Variants in NPSR1 observed in about 807,000 individuals in gnomAD.
NPSR1 encodes neuropeptide S receptor 1.
A neutral mutation model predicts 46.9 loss-of-function variants in NPSR1; 48 were observed. The observed-to-expected ratio is 1.02, with a 90% CI of 0.81 to 1.30. NPSR1 has a LOEUF of 1.30. Among genes scored for constraint, NPSR1 ranks in the 50% most tolerant of loss-of-function variants. NPSR1 has a pLI of 0.00. For synonymous variants in NPSR1, 176 were observed against 168.1 expected, an observed-to-expected ratio of 1.05 and a Z score of -0.36; for missense variants, 450 against 449.5, an observed-to-expected ratio of 1.00 and a Z score of -0.01.
intron 2 of NPSR1, among the ~76,000 whole-genome samples, chr7:34,727,514 G>A (rs901893936): frequency 6.6e-6 from 1 of 152,150 alleles, no homozygotes; most frequent in Admixed American, 6.5e-5. Context: ...TGTATAGCTG[G>A]ACACCACTTT....
chr7:34,853,626 C>T (rs1400629876), downstream of NPSR1, among the ~76,000 whole-genome samples: 1 of 152,128 alleles, frequency 6.6e-6, no homozygotes, highest in Admixed American at 6.5e-5. Flanking sequence ...TCAGATTGCT[C>T]GGAGACTCCA....
chr7:34,666,766 T>C (rs1451012180), intron 1 of NPSR1, among the ~76,000 whole-genome samples: 2 of 152,158 alleles, frequency 1.3e-5, no homozygotes, highest in Admixed American at 1.3e-4. Flanking sequence ...CATTGCATTA[T>C]TACACATTTG....
intron 2 of NPSR1, among the ~76,000 whole-genome samples, chr7:34,756,112 A>G (rs527441298): frequency 2.0e-4 from 30 of 152,300 alleles, no homozygotes; most frequent in African/African-American, 7.0e-4. Context: ...CATGGGGAGG[A>G]GAAGCTGAAA....
chr7:34,789,173 C>A (rs1368544437), intron 3 of NPSR1, among the ~76,000 whole-genome samples: 3 of 151,686 alleles, frequency 2.0e-5, no homozygotes, highest in Admixed American at 6.6e-5. Context: ...GAGTTTATAC[C>A]AATAAATACC....
chr7:34,699,893 G>C (rs938640973), intron 2 of NPSR1, among the ~76,000 whole-genome samples: 1 of 152,114 alleles, frequency 6.6e-6, no homozygotes, highest in African/African-American at 2.4e-5. Flanking sequence ...GAGATAATAG[G>C]AGCTTCATAT....
chr7:34,848,474 C>G lies in NPSR1; in HGVS notation c.845-9C>G, dbSNP rs750023527. On this transcript the variant is annotated splice_polypyrimidine_tract_variant and intron_variant, in intron 7 of 8. Coordinates refer to ENST00000360581, the MANE Select transcript of NPSR1 (RefSeq NM_207172.2). ...CTGCTGTGATGCTAATGGCTCTCTT[C>G]TCCCCCAGCCTTCATCTGCTGTTGG... 4 of 1,613,410 alleles carry G rather than the reference C, an allele frequency of 2.5e-6. No homozygotes were observed. The highest frequency in any genetic ancestry group is 3.4e-6 in the Non-Finnish European group (4 of 1,179,646).
In NPSR1 at chr7:34,832,428, G is replaced by T. The variant is rs573519082; in HGVS notation, c.681-1956G>T. ...CACACTGGTAGTTCCAGCTATTCAG[G>T]TGGCTGAGGTGGGAGGTCAAGGCTG... On this transcript the variant is annotated intron_variant, in intron 5 of 8. Transcript: ENST00000360581. 3.3e-5 allele frequency among the ~76,000 whole-genome samples: 5 copies of T among 152,234 alleles called. No homozygotes were observed. In the South Asian group the frequency reaches 6.2e-4, roughly 19 times the overall value.
intron 1 of NPSR1, among the ~76,000 whole-genome samples, chr7:34,666,940 C>A (rs747744155): frequency 7.9e-5 from 12 of 152,290 alleles, no homozygotes; most frequent in Non-Finnish European, 1.0e-4. Flanking sequence ...AAGGGCCTTA[C>A]ATTTTTCAAA....
intron 2 of NPSR1, among the ~76,000 whole-genome samples, chr7:34,701,896 T>C (rs1378026950): frequency 2.6e-5 from 4 of 152,258 alleles, no homozygotes; most frequent in Non-Finnish European, 5.9e-5. Flanking sequence ...AGAACATTTT[T>C]ACTTCCATTT....
intron 2 of NPSR1, among the ~76,000 whole-genome samples, chr7:34,744,532 C>T (rs1371897845): frequency 6.6e-6 from 1 of 152,142 alleles, no homozygotes; most frequent in African/African-American, 2.4e-5. Context: ...GTCCATTGAA[C>T]TGTCAAAATG....
intron 2 of NPSR1, among the ~76,000 whole-genome samples, chr7:34,727,990 G>T (rs1428623365): frequency 6.6e-6 from 1 of 150,706 alleles, no homozygotes; most frequent in Admixed American, 6.6e-5. Context: ...AGGCTTTCTT[G>T]CCAGATTCAG....
At chr7:34,758,588 AG>A (rs1424284835) in intron 2 of NPSR1, among the ~76,000 whole-genome samples, 1 of 152,256 alleles carries the variant, frequency 6.6e-6, no homozygotes, top group East Asian at 1.9e-4. Context: ...TTTCATTTTT[AG>A]CTTCTTGTTT....
rs1584168918 is a variant in NPSR1, at chr7:34,878,032, AC to A, written c.1026-41del. On this transcript the variant is annotated intron_variant, in intron 8 of 8. Coordinates refer to the NPSR1 transcript ENST00000359791. ...TCCTTCCTTTTATGCAAATAGGAAG[AC>A]CCAGGTCCCTATACATTTCAATAAG... 8.7e-6 allele frequency: 10 copies of A among 1,155,710 alleles called. No homozygotes were observed. In the East Asian group the frequency reaches 2.5e-4, roughly 29 times the overall value. 71.6% of individuals were successfully genotyped at this position (1,155,710 alleles called of 1,614,324 possible).
chr7:34,773,673 C>A (rs1476035152), intron 2 of NPSR1, among the ~76,000 whole-genome samples: 1 of 152,134 alleles, frequency 6.6e-6, no homozygotes, highest in African/African-American at 2.4e-5. Flanking sequence ...GTTGGACATT[C>A]AAAATCAGCA....
At chr7:34,667,309 C>T (rs1791799557) in intron 1 of NPSR1, among the ~76,000 whole-genome samples, 1 of 152,160 alleles carries the variant, frequency 6.6e-6, no homozygotes, top group Non-Finnish European at 1.5e-5. Flanking sequence ...GGAATGGAGC[C>T]AGTTCTCATG....
intron 4 of NPSR1, among the ~76,000 whole-genome samples, chr7:34,827,104 A>G (rs544135832): frequency 6.6e-6 from 1 of 152,292 alleles, no homozygotes; most frequent in South Asian, 2.1e-4. Flanking sequence ...GCTCCCTAAT[A>G]CTGCAGGAAT....
chr7:34,787,075 C>T (rs541821597), intron 3 of NPSR1, among the ~76,000 whole-genome samples: 129 of 152,102 alleles, frequency 8.5e-4, no homozygotes, highest in Non-Finnish European at 1.6e-3. Context: ...GCTATAGAAG[C>T]GCTAGATGGC....
intron 8 of NPSR1, among the ~76,000 whole-genome samples, chr7:34,855,906 C>A (rs1791038160): frequency 1.3e-5 from 2 of 152,000 alleles, no homozygotes; most frequent in African/African-American, 4.8e-5. Context: ...CAGGATAAAA[C>A]AATATATAAA....
At position 34,849,967 on chromosome 7, in the gene NPSR1, C is replaced by A; in HGVS notation, c.*312C>A. 1 of 1,094,628 alleles carries A rather than the reference C, an allele frequency of 9.1e-7. No individual in the cohort carries two copies. Among genetic ancestry groups the A allele is most frequent in the Non-Finnish European group, 1.1e-6 (1 of 898,026 alleles). 67.8% of individuals were successfully genotyped at this position (1,094,628 alleles called of 1,614,324 possible). ...GTGGTCCAGGGTCCTGGCTTGGAGC[C>A]AGTGAGTAGACAGGCAAGCAGAGGG... On this transcript the variant is annotated 3_prime_UTR_variant, in exon 9 of 9. Transcript: ENST00000360581.
Sources: allele counts gnomAD v4.1 joint callset (sites outside exome capture counted in the v4.1 genomes callset), GRCh38; gene constraint gnomAD v4.1.1; transcripts MANE v1.5; gene names NCBI Gene and HGNC (gene_info 2026-07-23, HGNC 2026-07-21).